PPP2R3A: variants seen among roughly 807,000 people sequenced by gnomAD.
PPP2R3A encodes serine/threonine-protein phosphatase 2A regulatory subunit B'' subunit alpha.
PPP2R3A carries 80 observed loss-of-function variants against 106.9 expected under a neutral mutation model. The observed-to-expected ratio is 0.75, with a 90% CI of 0.62 to 0.90. The LOEUF is 0.90. Ranked by LOEUF, PPP2R3A falls within the 40% of genes least tolerant of loss-of-function variation. The pLI is 0.00. For synonymous variants in PPP2R3A, 483 were observed against 468.3 expected (o/e 1.03, Z -0.41); for missense variants, 1,386 against 1,350.4 (o/e 1.03, Z -0.41).
intron 13 of PPP2R3A, among the ~76,000 whole-genome samples, chr3:136,133,917 C>G: frequency 7.0e-6 from 1 of 142,124 alleles, no homozygotes; most frequent in East Asian, 2.1e-4. Context: ...AAGAAATTTA[C>G]TAAAATGCAC....
chr3:136,073,752 A>T (rs1018888646), intron 6 of PPP2R3A, among the ~76,000 whole-genome samples: 1 of 152,264 alleles, frequency 6.6e-6, no homozygotes, highest in African/African-American at 2.4e-5. Context: ...TAGACTGGTT[A>T]TCTTCTCCTC....
intron 13 of PPP2R3A, among the ~76,000 whole-genome samples, chr3:136,114,631 A>G (rs1038151107): frequency 3.3e-5 from 5 of 152,298 alleles, no homozygotes; most frequent in African/African-American, 1.2e-4. Flanking sequence ...AGGCTTGAGT[A>G]TGTGGTTTTA....
chr3:136,070,259 C>A (rs1051349349), intron 5 of PPP2R3A, among the ~76,000 whole-genome samples: 1 of 152,184 alleles, frequency 6.6e-6, no homozygotes, highest in African/African-American at 2.4e-5. Flanking sequence ...TAGCTAAAAT[C>A]AAACTTCAAC....
chr3:136,102,032 G>T lies in PPP2R3A; in HGVS notation c.2953G>T (p.Asp985Tyr), dbSNP rs1265629225. ...TSIEYWFRCM[D>Y]VDGDGVLSMY... ...CATTGAGTATTGGTTCCGCTGCATG[G>T]ATGTGGATGGAGACGGTGTACTCTC... The change falls in exon 11 of 14, where the codon GAT becomes TAT. Residue 985 changes from aspartate to tyrosine, a missense_variant. Physicochemically the swap from Asp to Tyr is radical, Grantham distance 160 (BLOSUM62 -3). Coordinates refer to ENST00000264977, the MANE Select transcript of PPP2R3A (RefSeq NM_002718.5). The T allele has an allele frequency of 6.2e-7, 1 of 1,614,020 alleles. No homozygotes were observed. The highest frequency in any genetic ancestry group is 1.7e-5 in the Admixed American group (1 of 60,016).
chr3:136,057,868 C>A (rs1324842294), intron 5 of PPP2R3A, among the ~76,000 whole-genome samples: 2 of 151,964 alleles, frequency 1.3e-5, no homozygotes, highest in Non-Finnish European at 2.9e-5. Flanking sequence ...ATTAGTATAG[C>A]CATTATGAAG....
At chr3:136,030,199 C>T (rs1397611885) in intron 3 of PPP2R3A, among the ~76,000 whole-genome samples, 1 of 150,126 alleles carries the variant, frequency 6.7e-6, no homozygotes, top group Non-Finnish European at 1.5e-5. Context: ...GCCTGGGTGA[C>T]AGAGTGAGAA....
chr3:136,002,652 C>G lies in PPP2R3A; in HGVS notation c.1154C>G (p.Pro385Arg). ...TTATATAACTTAGAGGTAAATGATC[C>G]TAGAACTCTAAAAGCTGTCCAGGTC... Reference protein sequence around the residue: ...NSLYNLEVNDPRTLKAVQVQS... With the variant: ...NSLYNLEVNDRRTLKAVQVQS... Residue 385 changes from proline to arginine, a missense_variant, in exon 2 of 14, where the codon CCT becomes CGT. Pro to Arg is a moderately radical substitution (Grantham distance 103). Coordinates refer to ENST00000264977, the MANE Select transcript of PPP2R3A (RefSeq NM_002718.5). 1 of 1,613,398 alleles carries G rather than the reference C, an allele frequency of 6.2e-7. No individual in the cohort carries two copies. The highest frequency in any genetic ancestry group is 8.5e-7 in the Non-Finnish European group (1 of 1,179,436).
At chr3:136,087,978 A>T (rs535610504) in intron 9 of PPP2R3A, 47 bp downstream of exon 9, 60 of 1,473,798 alleles carry the variant, frequency 4.1e-5, no homozygotes, top group Admixed American at 1.8e-4. Flanking sequence ...TACAAGTAAT[A>T]CCATAACCAT....
At chr3:136,095,043 C>T (rs986464690) in intron 10 of PPP2R3A, among the ~76,000 whole-genome samples, 2 of 152,156 alleles carry the variant, frequency 1.3e-5, no homozygotes, top group Non-Finnish European at 2.9e-5. Flanking sequence ...GAAAGATGGT[C>T]CCAAATGCTA....
At chr3:136,066,449 A>G (rs187844950) in intron 5 of PPP2R3A, among the ~76,000 whole-genome samples, 1 of 152,324 alleles carries the variant, frequency 6.6e-6, no homozygotes, top group Admixed American at 6.5e-5. Flanking sequence ...GATTGTTTTA[A>G]TATTAGGATA....
At chr3:136,051,087 C>T (rs1935669533) in intron 5 of PPP2R3A, among the ~76,000 whole-genome samples, 2 of 152,190 alleles carry the variant, frequency 1.3e-5, no homozygotes, top group Admixed American at 1.3e-4. Context: ...TAGCATTCTT[C>T]ATAGCCTGAG....
At chr3:136,131,025 T>C (rs1938391071) in intron 13 of PPP2R3A, among the ~76,000 whole-genome samples, 1 of 152,216 alleles carries the variant, frequency 6.6e-6, no homozygotes, top group African/African-American at 2.4e-5. Context: ...GATTAAAGAC[T>C]TAATTAAGTT....
At chr3:136,046,454 C>CAAAAAAAAAAAA (rs35307516) in intron 4 of PPP2R3A, among the ~76,000 whole-genome samples, 1 of 127,884 alleles carries the variant, frequency 7.8e-6, no homozygotes, top group African/African-American at 3.0e-5. Flanking sequence ...AACTCCATCT[C>CAAAAAAAAAAAA]AAAAAAAAAA....
intron 1 of PPP2R3A, among the ~76,000 whole-genome samples, chr3:135,981,941 A>G (rs144163329): frequency 8.6e-5 from 13 of 151,688 alleles, no homozygotes; most frequent in African/African-American, 3.2e-4. Flanking sequence ...AAAGCAATTC[A>G]CTCTGATTTG....
chr3:136,080,366 T>C (rs1252920321), intron 7 of PPP2R3A, among the ~76,000 whole-genome samples: 1 of 152,230 alleles, frequency 6.6e-6, no homozygotes, highest in African/African-American at 2.4e-5. Flanking sequence ...GTCTGTAGAA[T>C]AGACCACTGG....
Position 136,001,268 on chromosome 3 carries a change from C to A in PPP2R3A, c.-231C>A. On this transcript the variant is annotated 5_prime_UTR_variant, in exon 2 of 14. Coordinates refer to ENST00000264977, the MANE Select transcript of PPP2R3A (RefSeq NM_002718.5). ...AATATTACTAAATAAAATTAAAAAG[C>A]ACAATTATTAAATTATTAAATTTGC... 1 of 469,538 alleles carries A rather than the reference C, an allele frequency of 2.1e-6. No individual in the cohort carries two copies. The highest frequency in any genetic ancestry group is 3.7e-6 in the Non-Finnish European group (1 of 269,298). 29.1% of individuals were successfully genotyped at this position (469,538 alleles called of 1,614,324 possible).
At chr3:135,967,791 T>A (rs1305158192) in intron 1 of PPP2R3A, among the ~76,000 whole-genome samples, 2 of 152,226 alleles carry the variant, frequency 1.3e-5, no homozygotes, top group East Asian at 3.8e-4. Flanking sequence ...ACAGCTCTTT[T>A]GAGTGTTATC....
At chr3:136,065,491 A>G (rs142818125) in intron 5 of PPP2R3A, among the ~76,000 whole-genome samples, 1 of 152,278 alleles carries the variant, frequency 6.6e-6, no homozygotes, top group Non-Finnish European at 1.5e-5. Flanking sequence ...TTTGAAATGC[A>G]TACATACTGG....
chr3:136,070,616 A>C (rs1002972556), intron 6 of PPP2R3A, 64 bp downstream of exon 6: 33 of 1,362,060 alleles, frequency 2.4e-5, no homozygotes, highest in Non-Finnish European at 3.2e-5. Context: ...ACCATCTGCT[A>C]TCCAGAATTT....
Sources: gnomAD v4.1 joint callset for allele counts (sites outside exome capture counted in the v4.1 genomes callset) on GRCh38, gnomAD v4.1.1 for gene constraint, MANE v1.5 for transcripts, NCBI Gene and HGNC (gene_info 2026-07-23, HGNC 2026-07-21) for gene names.